Variants in IKZF2 observed in about 807,000 individuals in gnomAD.
IKZF2 encodes zinc finger protein Helios.
In IKZF2, 15 loss-of-function variants were observed where a neutral mutation model predicts 49.2. The observed-to-expected ratio is 0.30, with a 90% CI of 0.20 to 0.47. The LOEUF is 0.47. Among genes scored for constraint, IKZF2 ranks in the 20% least tolerant of loss-of-function variants. The pLI, the probability that IKZF2 is intolerant of heterozygous loss-of-function variation, is 1.00. For synonymous variants in IKZF2, 227 were observed against 221.4 expected (o/e 1.03, Z -0.23); for missense variants, 567 against 664.6 (o/e 0.85, Z 1.61).
intron 4 of IKZF2, among the ~76,000 whole-genome samples, chr2:213,117,827 C>A (rs2059927118): frequency 6.6e-6 from 1 of 152,214 alleles, no homozygotes; most frequent in Non-Finnish European, 1.5e-5. Flanking sequence ...GCCACATTAA[C>A]TAAGCCTTTT....
chr2:213,101,062 C>T (rs73077278), intron 4 of IKZF2, among the ~76,000 whole-genome samples: 1,961 of 151,746 alleles, frequency 0.013, 40 homozygotes, highest in African/African-American at 0.045. Flanking sequence ...AAGAGACAAC[C>T]CTTTGTTGAC....
At chr2:213,056,447 T>C (rs1005726955) in intron 5 of IKZF2, 16 of 300,082 alleles carry the variant, frequency 5.3e-5, no homozygotes, top group African/African-American at 3.1e-4. Context: ...CATAAATGCA[T>C]GAGTGCCATT....
chr2:213,029,196 C>T (rs1698144408), intron 6 of IKZF2, among the ~76,000 whole-genome samples: 1 of 151,956 alleles, frequency 6.6e-6, no homozygotes, highest in East Asian at 1.9e-4. Context: ...GGAGGCCTCC[C>T]TCCTCCCTTT....
At chr2:213,100,050 A>G (rs1706474973) in intron 4 of IKZF2, among the ~76,000 whole-genome samples, 1 of 152,138 alleles carries the variant, frequency 6.6e-6, no homozygotes, top group Admixed American at 6.6e-5. Context: ...AATGTATGGC[A>G]TTTAAGCTAA....
At chr2:213,111,412 T>C (rs1378511794) in intron 4 of IKZF2, among the ~76,000 whole-genome samples, 1 of 152,084 alleles carries the variant, frequency 6.6e-6, no homozygotes, top group Non-Finnish European at 1.5e-5. Flanking sequence ...AATATTGGCA[T>C]GTTAATTTAA....
chr2:213,079,719 C>G (rs779359373), intron 4 of IKZF2, among the ~76,000 whole-genome samples: 10 of 152,134 alleles, frequency 6.6e-5, no homozygotes, highest in Non-Finnish European at 1.5e-4. Context: ...ATAGGCAAAG[C>G]TTGTCATCTC....
At chr2:213,063,054 G>A (rs1444902446) in intron 4 of IKZF2, among the ~76,000 whole-genome samples, 2 of 152,010 alleles carry the variant, frequency 1.3e-5, no homozygotes, top group East Asian at 3.9e-4. Context: ...CCTTTTGACT[G>A]TGGATAAATA....
chr2:213,128,680 T>C (rs2060351904), intron 4 of IKZF2, among the ~76,000 whole-genome samples: 1 of 151,818 alleles, frequency 6.6e-6, no homozygotes, highest in African/African-American at 2.4e-5. Flanking sequence ...CAGGATGGAG[T>C]ACAGTGGCAT....
chr2:213,113,752 G>A (rs554077595), intron 4 of IKZF2, among the ~76,000 whole-genome samples: 2 of 152,222 alleles, frequency 1.3e-5, no homozygotes, highest in South Asian at 2.1e-4. Flanking sequence ...TTGTTTTAGG[G>A]AAGGAGTGGA....
At position 213,001,328 on chromosome 2, in the gene IKZF2, T is replaced by C. The variant is rs115044630; in HGVS notation, c.*6032A>G. On this transcript the variant is annotated 3_prime_UTR_variant, in exon 9 of 9. Transcript: ENST00000434687. ...GTTAAGACTCTTTGCTTTACATTTT[T>C]AACACCTTTCTAAACACTTGCAAAT... The C allele has an allele frequency of 3.7e-4, 56 of 152,086 alleles. No homozygotes were observed. The highest frequency in any genetic ancestry group is 1.3e-3 in the African/African-American group (55 of 41,522). 9.4% of individuals were successfully genotyped at this position (152,086 alleles called of 1,614,324 possible).
intron 4 of IKZF2, among the ~76,000 whole-genome samples, chr2:213,136,996 TA>T (rs986541321): frequency 1.3e-5 from 2 of 152,210 alleles, no homozygotes; most frequent in African/African-American, 2.4e-5. Flanking sequence ...ACTCAAAATG[TA>T]ACACCAACTA....
chr2:213,076,168 T>C (rs1233154067), intron 4 of IKZF2, among the ~76,000 whole-genome samples: 3 of 152,122 alleles, frequency 2.0e-5, no homozygotes, highest in Non-Finnish European at 4.4e-5. Context: ...GTAAACTTCA[T>C]GAAACCCCAT....
intron 4 of IKZF2, among the ~76,000 whole-genome samples, chr2:213,084,026 A>G (rs1436748516): frequency 1.3e-5 from 2 of 152,112 alleles, no homozygotes; most frequent in Non-Finnish European, 2.9e-5. Flanking sequence ...CTTGGTGCCA[A>G]AAAGGTTGGG....
At chr2:213,045,637 G>C (rs10932461) in intron 6 of IKZF2, among the ~76,000 whole-genome samples, 80,567 of 152,012 alleles carry the variant, frequency 0.53, 21,988 homozygotes, top group East Asian at 0.76. Flanking sequence ...ATATGCTATA[G>C]AATAGGAGAT....
At chr2:213,061,853 A>G (rs1172313947) in intron 4 of IKZF2, among the ~76,000 whole-genome samples, 2 of 151,662 alleles carry the variant, frequency 1.3e-5, no homozygotes, top group African/African-American at 4.8e-5. Context: ...TTTTACAAAC[A>G]TATGTAATTT....
chr2:213,018,757 A>G (rs1696879508), intron 7 of IKZF2, among the ~76,000 whole-genome samples: 1 of 152,118 alleles, frequency 6.6e-6, no homozygotes, highest in Non-Finnish European at 1.5e-5. Flanking sequence ...ACATCAGGGA[A>G]GCTGTTAATT....
intron 4 of IKZF2, among the ~76,000 whole-genome samples, chr2:213,121,153 C>A (rs1374087771): frequency 6.6e-6 from 1 of 152,126 alleles, no homozygotes; most frequent in Non-Finnish European, 1.5e-5. Flanking sequence ...TAAATAGATA[C>A]TTGCTGACTG....
In IKZF2 at chr2:213,019,782, G is replaced by A. The variant is rs530644917; in HGVS notation, c.712+2211C>T. On this transcript the variant is annotated intron_variant, in intron 7 of 8. Transcript: ENST00000434687. ...CCAGCTTCAGCACCACCTGTAAAGG[G>A]CCTGTGCCTACGGAGGGCTAAGCAA... is the stretch of plus-strand genomic sequence containing the variant. 1.2e-4 allele frequency among the ~76,000 whole-genome samples: 18 copies of A among 152,220 alleles called. No individual in the cohort carries two copies. In the East Asian group the frequency reaches 3.5e-3, roughly 29 times the overall value.
At chr2:213,088,877 T>C (rs1704978279) in intron 4 of IKZF2, among the ~76,000 whole-genome samples, 1 of 152,194 alleles carries the variant, frequency 6.6e-6, no homozygotes, top group Non-Finnish European at 1.5e-5. Flanking sequence ...CATTATCTAA[T>C]GTTACCTTCA....
Sources: gnomAD v4.1 joint callset for allele counts (sites outside exome capture counted in the v4.1 genomes callset) on GRCh38, gnomAD v4.1.1 for gene constraint, MANE v1.5 for transcripts, NCBI Gene and HGNC (gene_info 2026-07-23, HGNC 2026-07-21) for gene names.